Variants in POPDC2 observed in about 807,000 individuals in gnomAD.
The protein encoded by POPDC2 is popeye domain-containing protein 2.
POPDC2 carries 24 observed loss-of-function variants against 30.5 expected under a neutral mutation model. That is an observed-to-expected ratio of 0.79 (90% CI 0.57 to 1.11). POPDC2 has a LOEUF of 1.11. Ranked by LOEUF, POPDC2 falls within the 50% of genes least tolerant of loss-of-function variation. The pLI is 0.00. For missense variants in POPDC2, 409 were observed against 447.0 expected (o/e 0.91, Z 0.77); for synonymous variants, 185 against 183.3 (o/e 1.01, Z -0.07).
rs772495833 is a variant in POPDC2, at chr3:119,660,061, C to T, written c.363G>A (p.Val121=). Residue 121 remains valine (V), a synonymous_variant, in exon 1 of 4, where the codon GTG becomes GTA. Coordinates refer to ENST00000493094, the MANE Select transcript of POPDC2 (RefSeq NM_001369919.2). The stretch of plus-strand genomic sequence containing the variant: ...CAATCTCCTTGTATGTCTGTAGGGG[C>T]ACCTGCAAGGGCAGGCACAGCGTCT... ...LYKTLCLPLQ[V]PLQTYKEIVH... The T allele has an allele frequency of 1.9e-6, 3 of 1,614,224 alleles. No individual in the cohort carries two copies. Among genetic ancestry groups the T allele is most frequent in the Middle Eastern group, 3.3e-4 (2 of 6,062 alleles).
chr3:119,648,903 C>T (rs2052778610), intron 2 of POPDC2, among the ~76,000 whole-genome samples: 1 of 152,142 alleles, frequency 6.6e-6, no homozygotes, highest in South Asian at 2.1e-4. Context: ...ACTCACTCAC[C>T]CATCACCTCC....
chr3:119,654,380 C>G (rs879714669), intron 2 of POPDC2, 125 bp downstream of exon 2: 1 of 685,746 alleles, frequency 1.5e-6, no homozygotes, highest in African/African-American at 1.8e-5. Context: ...AGAGTGCCCC[C>G]GCCTGTAGCT....
At chr3:119,648,883 T>C (rs1377374162) in intron 2 of POPDC2, among the ~76,000 whole-genome samples, 1 of 152,174 alleles carries the variant, frequency 6.6e-6, no homozygotes, top group Non-Finnish European at 1.5e-5. Flanking sequence ...AGCCCTGGGA[T>C]CAGCCATTCA....
At chr3:119,653,860 A>T (rs866865711) in intron 2 of POPDC2, among the ~76,000 whole-genome samples, 20 of 152,200 alleles carry the variant, frequency 1.3e-4, no homozygotes, top group Non-Finnish European at 2.1e-4. Context: ...CTAGATTTGT[A>T]CTTCAGAGTT....
rs1482229659 is a variant in POPDC2, at chr3:119,660,495, T to A, written c.-72A>T. 1 of 1,505,814 alleles carries A rather than the reference T, an allele frequency of 6.6e-7. No individual in the cohort carries two copies. Among genetic ancestry groups the A allele is most frequent in the African/African-American group, 1.4e-5 (1 of 72,192 alleles). The allele number at this position is 1,505,814 out of a possible 1,614,324, so 93.3% of individuals were successfully genotyped here. Reference sequence around the variant, plus strand: ...ATAGGAAATTCAGAAAATGAATGAATCCATCCGCTCAGGGGTCTTCTCACC... The same window carrying A: ...ATAGGAAATTCAGAAAATGAATGAAACCATCCGCTCAGGGGTCTTCTCACC... On this transcript the variant is annotated 5_prime_UTR_variant, in exon 1 of 4. Coordinates refer to ENST00000493094, the MANE Select transcript of POPDC2 (RefSeq NM_001369919.2).
At chr3:119,657,555 G>T (rs1221272226) in intron 1 of POPDC2, among the ~76,000 whole-genome samples, 1 of 152,194 alleles carries the variant, frequency 6.6e-6, no homozygotes, top group South Asian at 2.1e-4. Flanking sequence ...AAACTCACTT[G>T]TGTCACCATA....
chr3:119,644,872 T>G (rs190814235), intron 3 of POPDC2, among the ~76,000 whole-genome samples: 10 of 152,314 alleles, frequency 6.6e-5, no homozygotes, highest in East Asian at 3.9e-4. Flanking sequence ...AGTAATAACC[T>G]TATAGCAAGT....
chr3:119,643,351 C>A, intron 3 of POPDC2: 1 of 1,521,322 alleles, frequency 6.6e-7, no homozygotes, highest in South Asian at 1.2e-5. Context: ...CTTTAGGCCT[C>A]CACTTTTTGC....
chr3:119,642,286 T>C lies in POPDC2; in HGVS notation c.*319A>G, dbSNP rs2107810425. 1 of 465,026 alleles carries C rather than the reference T, an allele frequency of 2.2e-6. No individual in the cohort carries two copies. Among genetic ancestry groups the C allele is most frequent in the East Asian group, 3.4e-5 (1 of 29,038 alleles). 28.8% of individuals were successfully genotyped at this position (465,026 alleles called of 1,614,324 possible). ...ACCAATGCCTGCTCCTGAAGGAAGG[T>C]TTGTGAGGGTGAATTTCTCAAAGTC... On this transcript the variant is annotated 3_prime_UTR_variant, in exon 4 of 4. Coordinates refer to ENST00000493094, the MANE Select transcript of POPDC2 (RefSeq NM_001369919.2).
In POPDC2 at chr3:119,660,246, C is replaced by G. The variant is rs200490933; in HGVS notation, c.178G>C (p.Gly60Arg). ...CFYLFGFLSA[G>R]YLCCVLWGWF... ...CCCCACAGCACGCAGCACAGGTAAC[C>G]TGCACTCAGGAAGCCAAAAAGATAG... Residue 60 changes from glycine to arginine, a missense_variant, in exon 1 of 4, where the codon GGT becomes CGT. Gly to Arg is a moderately radical substitution (Grantham distance 125). Coordinates refer to ENST00000493094, the MANE Select transcript of POPDC2 (RefSeq NM_001369919.2). 68 of 1,614,092 alleles carry G rather than the reference C, an allele frequency of 4.2e-5. No individual in the cohort carries two copies. The highest frequency in any genetic ancestry group is 5.5e-5 in the Non-Finnish European group (65 of 1,180,046).
intron 2 of POPDC2, among the ~76,000 whole-genome samples, chr3:119,653,667 C>T (rs570523938): frequency 1.4e-4 from 22 of 152,100 alleles, no homozygotes; most frequent in South Asian, 2.1e-4. Context: ...TTAGTAGAGA[C>T]GGGATTTCAT....
At chr3:119,645,833 C>T (rs1306691005) in intron 3 of POPDC2, among the ~76,000 whole-genome samples, 1 of 152,194 alleles carries the variant, frequency 6.6e-6, no homozygotes, top group Non-Finnish European at 1.5e-5. Context: ...CTCTTTTCTT[C>T]CTTTGAAAAA....
chr3:119,648,738 A>G lies in POPDC2; in HGVS notation c.601-70T>C, dbSNP rs543325320. On this transcript the variant is annotated intron_variant, in intron 2 of 3. Coordinates refer to ENST00000493094, the MANE Select transcript of POPDC2 (RefSeq NM_001369919.2). ...TTTGTCCATGCTGAGCACAGAGATC[A>G]TTCAGTCACTTGGCAAACAGCTGTA... is the stretch of plus-strand genomic sequence containing the variant. The G allele has an allele frequency of 3.7e-5, 50 of 1,342,566 alleles. No individual in the cohort carries two copies. In the African/African-American group the frequency reaches 6.1e-4, roughly 16 times the overall value. 83.2% of individuals were successfully genotyped at this position (1,342,566 alleles called of 1,614,324 possible). A position where few individuals can be genotyped will look rare whatever the true frequency, so the allele number is the denominator to read the frequency against.
intron 3 of POPDC2, among the ~76,000 whole-genome samples, chr3:119,645,026 C>T (rs953714733): frequency 2.0e-5 from 3 of 152,100 alleles, no homozygotes; most frequent in Non-Finnish European, 4.4e-5. Context: ...GTTCTGAAAA[C>T]CTCTATGGCC....
intron 3 of POPDC2, among the ~76,000 whole-genome samples, chr3:119,646,177 T>G (rs1449344958): frequency 6.6e-6 from 1 of 151,518 alleles, no homozygotes; most frequent in Non-Finnish European, 1.5e-5. Flanking sequence ...GGGTACAGGG[T>G]GTTTAGGAGG....
At position 119,648,416 on chromosome 3, in the gene POPDC2, C is replaced by A. The variant is rs768085552; in HGVS notation, c.853G>T (p.Gly285Cys). 72 of 1,613,994 alleles carry A rather than the reference C, an allele frequency of 4.5e-5. No individual in the cohort carries two copies. In the East Asian group the frequency reaches 1.6e-3, roughly 35 times the overall value. The part of the protein sequence containing the change: ...AADAGPESEK[G>C]DEEVCEPAVS... ...GCTGGCTCACAGACTTCCTCATCAC[C>A]CTTCTCGGACTCTGGTCCAGCATCT... Residue 285 changes from glycine to cysteine, a missense_variant, in exon 3 of 4, where the codon GGT (glycine) becomes TGT (cysteine). Physicochemically the swap from Gly to Cys is radical, Grantham distance 159. Coordinates refer to ENST00000493094, the MANE Select transcript of POPDC2 (RefSeq NM_001369919.2).
At chr3:119,655,255 G>T (rs1024883983) in intron 1 of POPDC2, among the ~76,000 whole-genome samples, 1 of 150,862 alleles carries the variant, frequency 6.6e-6, no homozygotes, top group African/African-American at 2.4e-5. Context: ...TTGAACTCGG[G>T]GGTGGAGGTT....
intron 2 of POPDC2, among the ~76,000 whole-genome samples, chr3:119,652,864 G>A (rs80286934): frequency 2.2e-4 from 34 of 152,228 alleles, no homozygotes; most frequent in Non-Finnish European, 4.4e-4. Flanking sequence ...GGGGGCAGAA[G>A]CAGGCCCTGC....
rs114377849 is a variant in POPDC2 at position 119,646,994 on chromosome 3, A to G, written c.*43+1125T>C. ...GATTGATCCTTGGAATTACCTCAGA[A>G]TGAGCTGAACTATGGTTCTAAGGAT... On this transcript the variant is annotated intron_variant, in intron 3 of 3. Transcript: ENST00000493094. Among the ~76,000 whole-genome samples, 701 of 152,314 alleles carry G rather than the reference A, an allele frequency of 4.6e-3. 8 individuals are homozygous for G. Among genetic ancestry groups the G allele is most frequent in the African/African-American group, 0.016 (684 of 41,558 alleles).
Sources: allele counts gnomAD v4.1 joint callset (sites outside exome capture counted in the v4.1 genomes callset), GRCh38; gene constraint gnomAD v4.1.1; transcripts MANE v1.5; gene names NCBI Gene and HGNC (gene_info 2026-07-23, HGNC 2026-07-21).